The following C18orf32 variants were observed in gnomAD, a reference collection of about 807,000 sequenced individuals.
The protein encoded by C18orf32 is chromosome 18 open reading frame 32.
Under a neutral mutation model 7.4 loss-of-function variants are expected in C18orf32, and 5 were observed. That is an observed-to-expected ratio of 0.68 (90% CI 0.35 to 1.42). The LOEUF is 1.42. Ranked by LOEUF, C18orf32 falls within the 40% of genes most tolerant of loss-of-function variation. The pLI is 0.04. For synonymous variants in C18orf32, 30 were observed against 29.3 expected (o/e 1.02, Z -0.08); for missense variants, 88 against 92.4 (o/e 0.95, Z 0.19).
Position 49,479,945 on chromosome 18 carries a change from G to C in C18orf32, c.*2400C>G, listed in dbSNP as rs1252205601. 6.6e-6 allele frequency: 1 copy of C among 152,328 alleles called. No individual in the cohort carries two copies. The highest frequency in any genetic ancestry group is 1.5e-5 in the Non-Finnish European group (1 of 68,116). The allele number at this position is 152,328 out of a possible 1,614,324, so 9.4% of individuals were successfully genotyped here. A position where few individuals can be genotyped will look rare whatever the true frequency, so the allele number is the denominator to read the frequency against. On this transcript the variant is annotated 3_prime_UTR_variant, in exon 3 of 3. Transcript: ENST00000318240. Reference sequence around the variant, plus strand: ...GTAAGCAAAATTTACAAAAGCACTTGGGAGGATGTGTGGGAGGAGCAGAGG... The same window carrying C: ...GTAAGCAAAATTTACAAAAGCACTTCGGAGGATGTGTGGGAGGAGCAGAGG...
In C18orf32 at chr18:49,481,894, A is replaced by G. The variant is rs2083666206; in HGVS notation, c.*451T>C. 6.2e-6 allele frequency: 1 copy of G among 162,536 alleles called. No individual in the cohort carries two copies. Among genetic ancestry groups the G allele is most frequent in the Admixed American group, 6.4e-5 (1 of 15,546 alleles). The allele number at this position is 162,536 out of a possible 1,614,324, so 10.1% of individuals were successfully genotyped here. A position where few individuals can be genotyped will look rare whatever the true frequency, so the allele number is the denominator to read the frequency against. Reference sequence around the variant, plus strand: ...TTAAATCTTTATGTTTCACATCATTATTACCTCCCAAAATTCTACCTTCAT... The same window carrying G: ...TTAAATCTTTATGTTTCACATCATTGTTACCTCCCAAAATTCTACCTTCAT... On this transcript the variant is annotated 3_prime_UTR_variant, in exon 3 of 3. Transcript: ENST00000318240.
rs2083646067 is a variant in C18orf32, at chr18:49,479,750, C to T, written c.*2595G>A. The T allele has an allele frequency of 6.6e-6, 1 of 152,356 alleles. No homozygotes were observed. The highest frequency in any genetic ancestry group is 1.5e-5 in the Non-Finnish European group (1 of 68,166). 9.4% of individuals were successfully genotyped at this position (152,356 alleles called of 1,614,324 possible). On this transcript the variant is annotated 3_prime_UTR_variant, in exon 3 of 3. Coordinates refer to ENST00000318240, the MANE Select transcript of C18orf32 (RefSeq NM_001035005.4). ...CTGCCTTCATTCTCCTCCCTCCAGC[C>T]ATCTCCTGCTATGGATCGCTATTGG...
At position 49,478,264 on chromosome 18, in the gene C18orf32, TTTTC is replaced by T. The variant is rs764733562; in HGVS notation, c.*4077_*4080del. ...TATGTTGCCCAGGCTGGGATCCTGTTTTTCTTTTTCTTTTCTTTTGAGACAGTCT... is the reference window on the plus strand; with the variant it reads ...TATGTTGCCCAGGCTGGGATCCTGTTTTTTTCTTTTCTTTTGAGACAGTCT... On this transcript the variant is annotated 3_prime_UTR_variant, in exon 3 of 3. Coordinates refer to ENST00000318240, the MANE Select transcript of C18orf32 (RefSeq NM_001035005.4). 2.0e-5 allele frequency: 3 copies of T among 149,790 alleles called. No homozygotes were observed. The highest frequency in any genetic ancestry group is 1.9e-4 in the East Asian group (1 of 5,172). The allele number at this position is 149,790 out of a possible 1,614,324, so 9.3% of individuals were successfully genotyped here.
At position 49,481,503 on chromosome 18, in the gene C18orf32, G is replaced by GA. The variant is rs2083661262; in HGVS notation, c.*841dup. 1 of 152,244 alleles carries GA rather than the reference G, an allele frequency of 6.6e-6. No homozygotes were observed. The highest frequency in any genetic ancestry group is 1.9e-4 in the East Asian group (1 of 5,196). The allele number at this position is 152,244 out of a possible 1,614,324, so 9.4% of individuals were successfully genotyped here. A position where few individuals can be genotyped will look rare whatever the true frequency, so the allele number is the denominator to read the frequency against. On this transcript the variant is annotated 3_prime_UTR_variant, in exon 3 of 3. Coordinates refer to ENST00000318240, the MANE Select transcript of C18orf32 (RefSeq NM_001035005.4). Reference sequence around the variant, plus strand: ...ACTGCCCAGTCGAGTCACTGCTGCTGAAAACCACTAAATTTTGGAGTGTCT... The same window carrying GA: ...ACTGCCCAGTCGAGTCACTGCTGCTGAAAAACCACTAAATTTTGGAGTGTCT...
In C18orf32 at chr18:49,478,030, C is replaced by G. The variant is rs1054356081; in HGVS notation, c.*4315G>C. ...GACTTGTCATTTACATATTTAAACTCCATTATTCTTTTTTTCTTTTTTTAA... is the reference window on the plus strand; with the variant it reads ...GACTTGTCATTTACATATTTAAACTGCATTATTCTTTTTTTCTTTTTTTAA... On this transcript the variant is annotated 3_prime_UTR_variant, in exon 3 of 3. Coordinates refer to ENST00000318240, the MANE Select transcript of C18orf32 (RefSeq NM_001035005.4). 1.3e-5 allele frequency: 2 copies of G among 148,662 alleles called. No individual in the cohort carries two copies. The highest frequency in any genetic ancestry group is 1.3e-4 in the Admixed American group (2 of 15,022). 9.2% of individuals were successfully genotyped at this position (148,662 alleles called of 1,614,324 possible).
In C18orf32 at chr18:49,480,302, A is replaced by G. The variant is rs1444097297; in HGVS notation, c.*2043T>C. 6.6e-6 allele frequency: 1 copy of G among 152,148 alleles called. No individual in the cohort carries two copies. The highest frequency in any genetic ancestry group is 1.9e-4 in the East Asian group (1 of 5,196). 9.4% of individuals were successfully genotyped at this position (152,148 alleles called of 1,614,324 possible). ...CGCTGCACTCCAGCACCTGGGTGAC[A>G]GTGAGACCCTGTCTCAAAAAATAAA... On this transcript the variant is annotated 3_prime_UTR_variant, in exon 3 of 3. Coordinates refer to ENST00000318240, the MANE Select transcript of C18orf32 (RefSeq NM_001035005.4).
rs1417473646 is a variant in C18orf32, at chr18:49,482,437, T to C, written c.166-27A>G. 1.9e-6 allele frequency: 3 copies of C among 1,566,580 alleles called. No homozygotes were observed. The South Asian group carries it at 3.4e-5, about 18-fold the overall frequency. ...TAAAATGAAAAAACATTTTAGAAAT[T>C]ATCATAACAAGCCGGGTGCGGTGGC... On this transcript the variant is annotated intron_variant, in intron 2 of 2. Coordinates refer to ENST00000318240, the MANE Select transcript of C18orf32 (RefSeq NM_001035005.4).
rs1282438423 is a variant in C18orf32, at chr18:49,480,478, G to A, written c.*1867C>T. 1.3e-5 allele frequency: 2 copies of A among 151,898 alleles called. No homozygotes were observed. The highest frequency in any genetic ancestry group is 4.8e-5 in the African/African-American group (2 of 41,322). The allele number at this position is 151,898 out of a possible 1,614,324, so 9.4% of individuals were successfully genotyped here. ...TTACTTAATTTTTAAAAGATGATGTGTGGGCCAGGTGCAGTAGTAGCTCAT... is the reference window on the plus strand; with the variant it reads ...TTACTTAATTTTTAAAAGATGATGTATGGGCCAGGTGCAGTAGTAGCTCAT... On this transcript the variant is annotated 3_prime_UTR_variant, in exon 3 of 3. Transcript: ENST00000318240.
intron 1 of C18orf32, among the ~76,000 whole-genome samples, chr18:49,485,205 A>G (rs2083722732): frequency 6.6e-6 from 1 of 152,268 alleles, no homozygotes; most frequent in Non-Finnish European, 1.5e-5. Context: ...ACGGTGGCAT[A>G]GAGAATCAAA....
intron 2 of C18orf32, among the ~76,000 whole-genome samples, chr18:49,482,895 T>C (rs1415318091): frequency 6.7e-6 from 1 of 149,282 alleles, no homozygotes; most frequent in African/African-American, 2.5e-5. Flanking sequence ...GCCACCCAGG[T>C]TCAAGCAATT....
At chr18:49,484,029 TGGG>T (rs2083700833) in intron 1 of C18orf32, among the ~76,000 whole-genome samples, 1 of 150,460 alleles carries the variant, frequency 6.6e-6, no homozygotes, top group Admixed American at 6.7e-5. Context: ...CATAAGTGGC[TGGG>T]ACAAGAGGAT....
chr18:49,484,148 ATATATATATATATATAT>A (rs371317030), intron 1 of C18orf32, among the ~76,000 whole-genome samples: 2 of 106,364 alleles, frequency 1.9e-5, no homozygotes, highest in Non-Finnish European at 3.7e-5. Context: ...AAAAAAAAAA[ATATATATATATATATAT>A]ATACACACAC....
Position 49,479,058 on chromosome 18 carries a change from T to C in C18orf32, c.*3287A>G, listed in dbSNP as rs1300608405. The C allele has an allele frequency of 1.3e-5, 2 of 152,128 alleles. No homozygotes were observed. The highest frequency in any genetic ancestry group is 2.9e-5 in the Non-Finnish European group (2 of 68,030). The allele number at this position is 152,128 out of a possible 1,614,324, so 9.4% of individuals were successfully genotyped here. ...TCCTGCTTTTAAAATGTTGCTAGTATGAAAACAACGACTGGGAACCAGTGT... is the reference window on the plus strand; with the variant it reads ...TCCTGCTTTTAAAATGTTGCTAGTACGAAAACAACGACTGGGAACCAGTGT... On this transcript the variant is annotated 3_prime_UTR_variant, in exon 3 of 3. Coordinates refer to ENST00000318240, the MANE Select transcript of C18orf32 (RefSeq NM_001035005.4).
rs2083663193 is a variant in C18orf32, at chr18:49,481,640, C to G, written c.*705G>C. 6.6e-6 allele frequency: 1 copy of G among 152,136 alleles called. No homozygotes were observed. The highest frequency in any genetic ancestry group is 1.5e-5 in the Non-Finnish European group (1 of 68,030). 9.4% of individuals were successfully genotyped at this position (152,136 alleles called of 1,614,324 possible). A position where few individuals can be genotyped will look rare whatever the true frequency, so the allele number is the denominator to read the frequency against. On this transcript the variant is annotated 3_prime_UTR_variant, in exon 3 of 3. Transcript: ENST00000318240. ...TTTCCCTTTTGAATATTTCAATAGA[C>G]TTTAAAAGAAAATGAACTACCAGTT... is the stretch of plus-strand genomic sequence containing the variant.
At chr18:49,483,196 A>G (rs986260973) in intron 2 of C18orf32, among the ~76,000 whole-genome samples, 21 of 152,202 alleles carry the variant, frequency 1.4e-4, no homozygotes, top group African/African-American at 4.8e-4. Context: ...CTGAGTACAA[A>G]GCTGAATCTA....
intron 1 of C18orf32, chr18:49,486,705 G>T (rs939224620): frequency 1.3e-5 from 2 of 152,134 alleles, no homozygotes; most frequent in Non-Finnish European, 2.9e-5. Flanking sequence ...GACAGTTAAA[G>T]TCTGAGGCTC....
Position 49,479,822 on chromosome 18 carries a change from T to C in C18orf32, c.*2523A>G, listed in dbSNP as rs994753508. Reference sequence around the variant, plus strand: ...GACATGGGAAGTCTGTTGATGTCTATACAGCTTCCTTGGGCTGAAAGCAGG... The same window carrying C: ...GACATGGGAAGTCTGTTGATGTCTACACAGCTTCCTTGGGCTGAAAGCAGG... On this transcript the variant is annotated 3_prime_UTR_variant, in exon 3 of 3. Coordinates refer to ENST00000318240, the MANE Select transcript of C18orf32 (RefSeq NM_001035005.4). 1.3e-5 allele frequency: 2 copies of C among 152,448 alleles called. No homozygotes were observed. Among genetic ancestry groups the C allele is most frequent in the Non-Finnish European group, 1.5e-5 (1 of 68,242 alleles). The allele number at this position is 152,448 out of a possible 1,614,324, so 9.4% of individuals were successfully genotyped here.
At chr18:49,484,585 C>T (rs1176836276) in intron 1 of C18orf32, 1 of 152,122 alleles carries the variant, frequency 6.6e-6, no homozygotes, top group Non-Finnish European at 1.5e-5. Flanking sequence ...AAGACTCCAT[C>T]TCAAAATAAA....
intron 1 of C18orf32, chr18:49,486,647 T>C (rs1300224215): frequency 6.6e-6 from 1 of 152,048 alleles, no homozygotes; most frequent in Non-Finnish European, 1.5e-5. Flanking sequence ...ATTAAAGCTG[T>C]TGCAGAGGAA....
Sources: gnomAD v4.1 joint callset for allele counts (sites outside exome capture counted in the v4.1 genomes callset) on GRCh38, gnomAD v4.1.1 for gene constraint, MANE v1.5 for transcripts, NCBI Gene and HGNC (gene_info 2026-07-23, HGNC 2026-07-21) for gene names.